Variants in TSPAN17 observed in about 807,000 individuals in gnomAD.
TSPAN17 encodes the protein tetraspanin 17, also known as tetraspanin-17.
A neutral mutation model predicts 40.5 loss-of-function variants in TSPAN17; 33 were observed. The observed-to-expected ratio is 0.81, with a 90% CI of 0.62 to 1.09. The LOEUF is 1.09. TSPAN17 is among the 50% of genes least tolerant of loss of function. The pLI is 0.00. For missense variants in TSPAN17, 365 were observed against 416.8 expected (o/e 0.88, Z 1.08); for synonymous variants, 166 against 169.4 (o/e 0.98, Z 0.15).
intron 8 of TSPAN17, 152 bp from the exon 9 acceptor site, chr5:176,657,365 TG>T: frequency 7.5e-7 from 1 of 1,333,712 alleles, no homozygotes; most frequent in Non-Finnish European, 1.0e-6. Context: ...CGTAGCTGTA[TG>T]GGGCGCGTTG....
Position 176,652,914 on chromosome 5 carries a change from G to A in TSPAN17, c.456+1G>A, listed in dbSNP as rs1561917241. The A allele has an allele frequency of 3.7e-6, 6 of 1,613,912 alleles. No homozygotes were observed. Among genetic ancestry groups the A allele is most frequent in the African/African-American group, 1.3e-5 (1 of 74,912 alleles). On this transcript the variant is annotated splice_donor_variant, in intron 4 of 8. Transcript: ENST00000508164. LOFTEE classifies it high-confidence loss of function. ...CCTCATTGACTTTGCTCAGGAATAC[G>A]TGAGTCCAGTGTCCAGCCTGGGACA...
rs1002176958 is a variant in TSPAN17, at chr5:176,651,377, G to A, written c.88-239G>A. On this transcript the variant is annotated intron_variant, in intron 1 of 8. Coordinates refer to ENST00000508164, the MANE Select transcript of TSPAN17 (RefSeq NM_130465.5). The surrounding 1 kb of genome is among the most constrained non-coding windows in gnomAD (Gnocchi z 4.5). ...CGTCTGCTCCAATTTGGAGTTCCAG[G>A]AAGGGGCCCCTGATGTCCATCCCAA... 5.3e-5 allele frequency among the ~76,000 whole-genome samples: 8 copies of A among 152,208 alleles called. No individual in the cohort carries two copies. The highest frequency in any genetic ancestry group is 1.2e-4 in the Non-Finnish European group (8 of 68,040).
rs896195289 is a variant in TSPAN17 at position 176,650,210 on chromosome 5, G to C, written c.88-1406G>C. 5.3e-5 allele frequency among the ~76,000 whole-genome samples: 8 copies of C among 152,128 alleles called. No individual in the cohort carries two copies. Among genetic ancestry groups the C allele is most frequent in the Non-Finnish European group, 1.0e-4 (7 of 68,022 alleles). ...TGGGACCAGCATGAGGTCTGGGTGG[G>C]GATCGGGAGATGCCAGCGTCATGAT... On this transcript the variant is annotated intron_variant, in intron 1 of 8. Transcript: ENST00000508164. The surrounding 1 kb of genome is among the most constrained non-coding windows in gnomAD (Gnocchi z 4.0).
rs2113472764 is a variant in TSPAN17, at chr5:176,654,776, T to TGG, written c.457-118_457-117dup. ...GGGGGTGGGGAGGTGGCCACCCACTTGGCTGTCCCAGCCCTGTCCCAGACA... is the reference window on the plus strand; with the variant it reads ...GGGGGTGGGGAGGTGGCCACCCACTTGGGGCTGTCCCAGCCCTGTCCCAGACA... On this transcript the variant is annotated intron_variant, in intron 4 of 8. Transcript: ENST00000508164. This position sits in a 1 kb window ranked among gnomAD's most constrained non-coding sequence, Gnocchi z 4.3. 1 of 1,338,024 alleles carries TGG rather than the reference T, an allele frequency of 7.5e-7. No homozygotes were observed. The highest frequency in any genetic ancestry group is 1.5e-5 in the African/African-American group (1 of 68,930). The allele number at this position is 1,338,024 out of a possible 1,614,324, so 82.9% of individuals were successfully genotyped here. A position where few individuals can be genotyped will look rare whatever the true frequency, so the allele number is the denominator to read the frequency against.
chr5:176,648,916 C>T (rs1447195085), intron 1 of TSPAN17, among the ~76,000 whole-genome samples: 2 of 152,166 alleles, frequency 1.3e-5, no homozygotes, highest in Non-Finnish European at 2.9e-5. Context: ...GTCACACAGC[C>T]AGAAAGTACA....
intron 3 of TSPAN17, 131 bp from the exon 4 acceptor site, chr5:176,652,612 G>A (rs1306227675): frequency 1.3e-6 from 1 of 780,644 alleles, no homozygotes; most frequent in Non-Finnish European, 2.1e-6. Flanking sequence ...ATAATAGAAG[G>A]TGGGGGCTCT....
In TSPAN17 at chr5:176,647,593, G is replaced by C. The variant is rs768324775; in HGVS notation, c.-23G>C. 5.2e-6 allele frequency: 8 copies of C among 1,548,108 alleles called. 1 individual carries two copies. The South Asian group carries it at 8.3e-5, about 16-fold the overall frequency. ...GGCCTGGCTCCCGGCTCCGGTTTCC[G>C]GGCCGGCGGGTGGCCGCTCACCATG... is the stretch of plus-strand genomic sequence containing the variant. On this transcript the variant is annotated 5_prime_UTR_variant, in exon 1 of 9. Transcript: ENST00000508164.
chr5:176,647,732 G>C (rs1368944962), intron 1 of TSPAN17, 30 bp downstream of exon 1: 2 of 1,552,216 alleles, frequency 1.3e-6, no homozygotes, highest in Non-Finnish European at 1.7e-6. Flanking sequence ...CTTGCCCTGT[G>C]CTGGGGGGTG....
At position 176,651,409 on chromosome 5, in the gene TSPAN17, CA is replaced by C. The variant is rs1760958497; in HGVS notation, c.88-206del. On this transcript the variant is annotated intron_variant, in intron 1 of 8. Transcript: ENST00000508164. The surrounding 1 kb of genome is among the most constrained non-coding windows in gnomAD (Gnocchi z 4.5). ...CCCCTGATGTCCATCCCAAGGCTAG[CA>C]GAGGGTTCAGTCCTCCAGGCTGTGT... Among the ~76,000 whole-genome samples, 1 of 152,196 alleles carries C rather than the reference CA, an allele frequency of 6.6e-6. No homozygotes were observed. Among genetic ancestry groups the C allele is most frequent in the South Asian group, 2.1e-4 (1 of 4,834 alleles).
At position 176,650,352 on chromosome 5, in the gene TSPAN17, C is replaced by T. The variant is rs1760922457; in HGVS notation, c.88-1264C>T. ...GCCCTCCAGGAACTCCTGCTGGAGG[C>T]TGAGAGCTCACTTCCCAGCTGTTTT... On this transcript the variant is annotated intron_variant, in intron 1 of 8. Transcript: ENST00000508164. The surrounding 1 kb of genome is among the most constrained non-coding windows in gnomAD (Gnocchi z 4.0). Among the ~76,000 whole-genome samples the T allele has an allele frequency of 6.6e-6, 1 of 152,166 alleles. No homozygotes were observed. Among genetic ancestry groups the T allele is most frequent in the Non-Finnish European group, 1.5e-5 (1 of 68,026 alleles).
intron 8 of TSPAN17, 116 bp from the exon 9 acceptor site, chr5:176,657,402 C>T (rs1413751985): frequency 3.3e-6 from 5 of 1,504,250 alleles, no homozygotes; most frequent in Non-Finnish European, 4.5e-6. Flanking sequence ...CACACAGCTT[C>T]AGAGCACTCT....
rs1760947658 is a variant in TSPAN17 at position 176,651,095 on chromosome 5, C to T, written c.88-521C>T. Among the ~76,000 whole-genome samples, 2 of 152,026 alleles carry T rather than the reference C, an allele frequency of 1.3e-5. No homozygotes were observed. Among genetic ancestry groups the T allele is most frequent in the Non-Finnish European group, 2.9e-5 (2 of 67,984 alleles). On this transcript the variant is annotated intron_variant, in intron 1 of 8. Coordinates refer to ENST00000508164, the MANE Select transcript of TSPAN17 (RefSeq NM_130465.5). This position sits in a 1 kb window ranked among gnomAD's most constrained non-coding sequence, Gnocchi z 4.5. ...CATTCAGGGGTGTCTGGTCGTGAGC[C>T]GTGGAAGCTGACTCTGGCAGGCGGA... is the stretch of plus-strand genomic sequence containing the variant.
At position 176,654,924 on chromosome 5, in the gene TSPAN17, T is replaced by C. The variant is rs1315271961; in HGVS notation, c.486T>C (p.Asn162=). 1 of 1,613,930 alleles carries C rather than the reference T, an allele frequency of 6.2e-7. No individual in the cohort carries two copies. Among genetic ancestry groups the C allele is most frequent in the Non-Finnish European group, 8.5e-7 (1 of 1,179,902 alleles). ...CTTGCTGCGGAGCCCGAGGCCCCAA[T>C]GACTGGAACCTCAATATCTACTTCA... ...YWSCCGARGP[N]DWNLNIYFNC... Residue 162 remains asparagine (N), a synonymous_variant, in exon 5 of 9, where the codon AAT becomes AAC. Coordinates refer to ENST00000508164, the MANE Select transcript of TSPAN17 (RefSeq NM_130465.5). The surrounding 1 kb of genome is among the most constrained non-coding windows in gnomAD (Gnocchi z 4.3).
Position 176,650,248 on chromosome 5 carries a change from G to A in TSPAN17, c.88-1368G>A, listed in dbSNP as rs1265739582. Among the ~76,000 whole-genome samples, 4 of 152,160 alleles carry A rather than the reference G, an allele frequency of 2.6e-5. No individual in the cohort carries two copies. The highest frequency in any genetic ancestry group is 1.5e-5 in the Non-Finnish European group (1 of 68,024). On this transcript the variant is annotated intron_variant, in intron 1 of 8. Coordinates refer to ENST00000508164, the MANE Select transcript of TSPAN17 (RefSeq NM_130465.5). The surrounding 1 kb of genome is among the most constrained non-coding windows in gnomAD (Gnocchi z 4.0). ...CCAGCGTCATGATGGGATGGAAGAC[G>A]AGCGTGAGGAGGAAGAACGGCAGAA...
In TSPAN17 at chr5:176,656,791, T is replaced by C. The variant is rs756335947; in HGVS notation, c.722T>C (p.Val241Ala). The change falls in exon 7 of 9, where the codon GTC becomes GCC. Residue 241 changes from valine to alanine, a missense_variant. By Grantham distance (64) the Val-to-Ala change is moderately conservative (BLOSUM62 0). Transcript: ENST00000508164. ...LQDNLIVVAGVFMGIALLQIF... is the reference protein window; with the variant it reads ...LQDNLIVVAGAFMGIALLQIF... ...GACAACCTGATTGTGGTGGCGGGAG[T>C]CTTCATGGGCATCGCCCTCCTCCAG... 9.3e-6 allele frequency: 15 copies of C among 1,613,716 alleles called. No individual in the cohort carries two copies. The South Asian group carries it at 1.5e-4, about 17-fold the overall frequency.
In TSPAN17 at chr5:176,647,600, CG is replaced by C; in HGVS notation, c.-13del. On this transcript the variant is annotated 5_prime_UTR_variant, in exon 1 of 9. Transcript: ENST00000508164. ...CTCCCGGCTCCGGTTTCCGGGCCGG[CG>C]GGTGGCCGCTCACCATGCCCGGCAA... The C allele has an allele frequency of 6.4e-7, 1 of 1,555,726 alleles. No homozygotes were observed. Among genetic ancestry groups the C allele is most frequent in the South Asian group, 1.2e-5 (1 of 84,924 alleles).
chr5:176,655,616 A>G (rs1336811780), intron 5 of TSPAN17, among the ~76,000 whole-genome samples: 2 of 151,958 alleles, frequency 1.3e-5, no homozygotes, highest in Non-Finnish European at 2.9e-5. Flanking sequence ...GATTGCAGCC[A>G]CGCATTCCAG....
intron 1 of TSPAN17, among the ~76,000 whole-genome samples, chr5:176,649,405 T>G (rs1182717806): frequency 4.6e-5 from 7 of 151,796 alleles, no homozygotes; most frequent in Non-Finnish European, 1.0e-4. Flanking sequence ...GTTTGGAAAC[T>G]GCTTGTGGTT....
At position 176,657,666 on chromosome 5, in the gene TSPAN17, TTATAC is replaced by T. The variant is rs766170703; in HGVS notation, c.959_963del (p.Leu320SerfsTer2). On this transcript the variant is annotated frameshift_variant, in exon 9 of 9. Transcript: ENST00000508164. LOFTEE classifies it high-confidence loss of function. ...ACATGTTTTCTTTGGCCTGGGTGGT[TTATAC>T]CCTGAGCCAACCTTTAAAAATTGGT... 4 of 1,591,602 alleles carry T rather than the reference TTATAC, an allele frequency of 2.5e-6. No individual in the cohort carries two copies. The highest frequency in any genetic ancestry group is 2.7e-5 in the African/African-American group (2 of 73,520).
Sources: gnomAD v4.1 joint callset for allele counts (sites outside exome capture counted in the v4.1 genomes callset) on GRCh38, gnomAD v4.1.1 for gene constraint, Gnocchi (gnomAD v3.1) non-coding constraint, MANE v1.5 for transcripts, NCBI Gene and HGNC (gene_info 2026-07-23, HGNC 2026-07-21) for gene names.